IGF1R: variants seen among roughly 807,000 people sequenced by gnomAD.
The protein encoded by IGF1R is insulin like growth factor 1 receptor.
A neutral mutation model predicts 144.6 loss-of-function variants in IGF1R; 44 were observed. The ratio of observed to expected loss-of-function variants is 0.30; its 90% CI spans 0.24 to 0.39. The LOEUF is 0.39. IGF1R is among the 10% of genes least tolerant of loss of function. The pLI is 1.00. For synonymous variants in IGF1R, 795 were observed against 722.8 expected, an observed-to-expected ratio of 1.10 and a Z score of -1.60; for missense variants, 1,355 against 1,833.7, an observed-to-expected ratio of 0.74 and a Z score of 4.77.
chr15:98,937,006 C>G (rs1205143293), intron 17 of IGF1R, among the ~76,000 whole-genome samples: 1 of 152,216 alleles, frequency 6.6e-6, no homozygotes, highest in African/African-American at 2.4e-5. Flanking sequence ...CTGCCTCAGT[C>G]TCCCAAGTAG....
chr15:98,947,327 C>G (rs995522690), intron 19 of IGF1R, among the ~76,000 whole-genome samples: 1 of 152,222 alleles, frequency 6.6e-6, no homozygotes, highest in Non-Finnish European at 1.5e-5. Context: ...ATAAAACGTT[C>G]TCATACAGTC....
chr15:98,756,418 T>C (rs1229993683), intron 2 of IGF1R, among the ~76,000 whole-genome samples: 1 of 152,144 alleles, frequency 6.6e-6, no homozygotes, highest in Non-Finnish European at 1.5e-5. Context: ...TATTTTCTAC[T>C]TGCTGGGAAA....
intron 2 of IGF1R, among the ~76,000 whole-genome samples, chr15:98,811,684 T>G (rs921162649): frequency 1.3e-5 from 2 of 152,024 alleles, no homozygotes; most frequent in African/African-American, 4.8e-5. Flanking sequence ...CCCAGCACTT[T>G]GGGAGGCCGA....
chr15:98,875,902 C>A (rs556196596), intron 2 of IGF1R, among the ~76,000 whole-genome samples: 1 of 152,078 alleles, frequency 6.6e-6, no homozygotes, highest in Admixed American at 6.6e-5. Context: ...AGGCCTCATA[C>A]GCATCACGTC....
At chr15:98,919,568 C>A (rs893445448) in intron 10 of IGF1R, among the ~76,000 whole-genome samples, 5 of 152,146 alleles carry the variant, frequency 3.3e-5, no homozygotes, top group Admixed American at 2.6e-4. Context: ...TAATGCACAG[C>A]ATTGGTGGTG....
intron 2 of IGF1R, among the ~76,000 whole-genome samples, chr15:98,722,117 T>C (rs1422090756): frequency 6.6e-6 from 1 of 152,184 alleles, no homozygotes; most frequent in Non-Finnish European, 1.5e-5. Context: ...TGCCCCCGTT[T>C]TGTGCAAGTC....
chr15:98,769,433 C>G (rs191359013), intron 2 of IGF1R, among the ~76,000 whole-genome samples: 1 of 152,296 alleles, frequency 6.6e-6, no homozygotes, highest in Admixed American at 6.5e-5. Flanking sequence ...ACTCATAAAG[C>G]TGTATGCATC....
At chr15:98,723,599 A>T (rs2054292740) in intron 2 of IGF1R, among the ~76,000 whole-genome samples, 1 of 152,196 alleles carries the variant, frequency 6.6e-6, no homozygotes, top group Non-Finnish European at 1.5e-5. Flanking sequence ...TCTGCCTGTT[A>T]ATAGAGTGAC....
intron 1 of IGF1R, among the ~76,000 whole-genome samples, chr15:98,668,747 T>G (rs966990798): frequency 5.9e-5 from 9 of 152,186 alleles, no homozygotes; most frequent in Non-Finnish European, 1.2e-4. Context: ...CCCTCCTCAG[T>G]GAGCACGTAC....
intron 17 of IGF1R, among the ~76,000 whole-genome samples, chr15:98,936,754 C>T (rs1042412902): frequency 6.6e-6 from 1 of 152,072 alleles, no homozygotes; most frequent in Non-Finnish European, 1.5e-5. Context: ...CAAGTGTGGA[C>T]TGGGGCTTCA....
chr15:98,820,552 G>C (rs1424720354), intron 2 of IGF1R, among the ~76,000 whole-genome samples: 2 of 152,100 alleles, frequency 1.3e-5, no homozygotes. Flanking sequence ...AGGTAATTGA[G>C]ACACCTTTTA....
chr15:98,703,160 C>T (rs2053777519), intron 1 of IGF1R, among the ~76,000 whole-genome samples: 2 of 152,060 alleles, frequency 1.3e-5, no homozygotes, highest in South Asian at 4.1e-4. Context: ...TTGTCTTATT[C>T]TTTACAGGGC....
intron 2 of IGF1R, among the ~76,000 whole-genome samples, chr15:98,847,723 G>A (rs1268109079): frequency 6.6e-6 from 1 of 152,180 alleles, no homozygotes; most frequent in Non-Finnish European, 1.5e-5. Context: ...CATTATGTGG[G>A]AATGTTTATT....
chr15:98,695,173 G>T (rs1284683777), intron 1 of IGF1R, among the ~76,000 whole-genome samples: 1 of 152,184 alleles, frequency 6.6e-6, no homozygotes, highest in Non-Finnish European at 1.5e-5. Flanking sequence ...GGGATATAAG[G>T]TCTGAAATAA....
At chr15:98,862,763 AGTT>A (rs1007181208) in intron 2 of IGF1R, among the ~76,000 whole-genome samples, 3 of 152,192 alleles carry the variant, frequency 2.0e-5, no homozygotes, top group African/African-American at 7.2e-5. Context: ...TCATGCTGTA[AGTT>A]GTTTTCTTTT....
chr15:98,910,540 G>C (rs546516192), intron 6 of IGF1R, among the ~76,000 whole-genome samples: 1 of 152,180 alleles, frequency 6.6e-6, no homozygotes, highest in Non-Finnish European at 1.5e-5. Flanking sequence ...AGGACAATTC[G>C]TCAGAGAGCT....
chr15:98,850,616 TAGAC>T (rs1029219673), intron 2 of IGF1R, among the ~76,000 whole-genome samples: 5 of 152,216 alleles, frequency 3.3e-5, no homozygotes, highest in African/African-American at 1.2e-4. Flanking sequence ...AAGTGATTTT[TAGAC>T]AGAATAGGAA....
At chr15:98,775,196 C>T (rs2055681578) in intron 2 of IGF1R, among the ~76,000 whole-genome samples, 1 of 152,196 alleles carries the variant, frequency 6.6e-6, no homozygotes, top group African/African-American at 2.4e-5. Context: ...CAAGTCCTCC[C>T]TGCTGTAGCA....
chr15:98,675,488 A>C (rs1026289479), intron 1 of IGF1R, among the ~76,000 whole-genome samples: 1 of 152,222 alleles, frequency 6.6e-6, no homozygotes, highest in Non-Finnish European at 1.5e-5. Context: ...TTCCAGAAGC[A>C]GTGTCTGTCA....
Sources: allele counts gnomAD v4.1 joint callset (sites outside exome capture counted in the v4.1 genomes callset), GRCh38; gene constraint gnomAD v4.1.1; transcripts MANE v1.5; gene names NCBI Gene and HGNC (gene_info 2026-07-23, HGNC 2026-07-21).